OSMR: variants seen among roughly 807,000 people sequenced by gnomAD.
OSMR encodes the protein oncostatin M receptor, also known as oncostatin-M-specific receptor subunit beta.
Under a neutral mutation model 99.9 loss-of-function variants are expected in OSMR, and 81 were observed. The ratio of observed to expected loss-of-function variants is 0.81; its 90% CI spans 0.68 to 0.97. The LOEUF (loss-of-function observed/expected upper bound fraction) is 0.97. Among genes scored for constraint, OSMR ranks in the 50% least tolerant of loss-of-function variants. OSMR has a pLI of 0.00. For missense variants in OSMR, 1,099 were observed against 1,153.4 expected, an observed-to-expected ratio of 0.95 and a Z score of 0.68; for synonymous variants, 406 against 410.4, an observed-to-expected ratio of 0.99 and a Z score of 0.13.
At position 38,883,839 on chromosome 5, in the gene OSMR, C is replaced by T. The variant is rs376764619; in HGVS notation, c.431C>T (p.Thr144Ile). Residue 144 changes from threonine (T) to isoleucine (I), a missense_variant, in exon 5 of 18, where the codon ACT becomes ATT. Thr to Ile is a moderately conservative substitution (Grantham distance 89, BLOSUM62 -1). Transcript: ENST00000274276. The part of the protein sequence containing the change: ...SWEEVSVQDS[T>I]GQDILFVFPK... ...TTTTTTCTTGCAGTACAAGATTCTACTGGACAGGATATATTGTTCGTTTTC... is the reference window on the plus strand; with the variant it reads ...TTTTTTCTTGCAGTACAAGATTCTATTGGACAGGATATATTGTTCGTTTTC... 6 of 1,612,618 alleles carry T rather than the reference C, an allele frequency of 3.7e-6. No individual in the cohort carries two copies. In the African/African-American group the frequency reaches 6.7e-5, roughly 18 times the overall value.
chr5:38,923,739 G>A (rs1380153340), intron 13 of OSMR, among the ~76,000 whole-genome samples: 1 of 152,136 alleles, frequency 6.6e-6, no homozygotes, highest in Non-Finnish European at 1.5e-5. Flanking sequence ...CTTTAGCTGG[G>A]TGCTTGATTG....
At chr5:38,848,743 CT>C (rs1202409227) in intron 1 of OSMR, among the ~76,000 whole-genome samples, 2 of 152,278 alleles carry the variant, frequency 1.3e-5, no homozygotes, top group African/African-American at 4.8e-5. Context: ...TCCATTGTCT[CT>C]AGATACCTCT....
At chr5:38,847,072 A>T (rs1444233174) in intron 1 of OSMR, among the ~76,000 whole-genome samples, 1 of 152,242 alleles carries the variant, frequency 6.6e-6, no homozygotes, top group African/African-American at 2.4e-5. Flanking sequence ...TGGGAACAAG[A>T]TATTCAAGAG....
Position 38,869,016 on chromosome 5 carries a change from A to G in OSMR, c.-13-16A>G. ...AATTAAATAAAATTTTCCTTCTTAT[A>G]ATTTATCTTTTTCAGAAAACCAGAA... On this transcript the variant is annotated splice_polypyrimidine_tract_variant and intron_variant, in intron 1 of 17. Transcript: ENST00000274276. 1 of 1,612,228 alleles carries G rather than the reference A, an allele frequency of 6.2e-7. No individual in the cohort carries two copies. Among genetic ancestry groups the G allele is most frequent in the South Asian group, 1.1e-5 (1 of 90,668 alleles).
At chr5:38,942,265 T>C (rs925197035) in intron 1 of OSMR, 3 of 1,197,648 alleles carry the variant, frequency 2.5e-6, no homozygotes, top group African/African-American at 1.5e-5. Context: ...CAAATATGAA[T>C]ATATATAGTA....
chr5:38,884,904 C>G (rs1431199053), intron 5 of OSMR, among the ~76,000 whole-genome samples: 2 of 152,158 alleles, frequency 1.3e-5, no homozygotes, highest in African/African-American at 4.8e-5. Context: ...CCACTAAGGG[C>G]AGCAGTAACG....
intron 17 of OSMR, 143 bp from the exon 18 acceptor site, chr5:38,932,729 A>G (rs1358809523): frequency 1.5e-5 from 22 of 1,514,706 alleles, no homozygotes; most frequent in Non-Finnish European, 1.9e-5. Context: ...TTGGTTTTCA[A>G]CATCACCTCC....
intron 1 of OSMR, chr5:38,943,157 G>GA: frequency 3.3e-6 from 1 of 305,984 alleles, no homozygotes. Flanking sequence ...TCTGAGTTTG[G>GA]GTTTTTTTTT....
intron 7 of OSMR, among the ~76,000 whole-genome samples, chr5:38,890,626 T>A (rs548598143): frequency 6.6e-6 from 1 of 151,962 alleles, no homozygotes; most frequent in Non-Finnish European, 1.5e-5. Context: ...TGTCTTATCT[T>A]GGCTGAAATG....
At chr5:38,865,669 C>T (rs1277454801) in intron 1 of OSMR, among the ~76,000 whole-genome samples, 1 of 152,190 alleles carries the variant, frequency 6.6e-6, no homozygotes, top group African/African-American at 2.4e-5. Flanking sequence ...CTTGGGCCCC[C>T]ACATGCCCAC....
intron 10 of OSMR, 86 bp from the exon 11 acceptor site, chr5:38,918,754 T>C: frequency 6.4e-7 from 1 of 1,565,020 alleles, no homozygotes; most frequent in Non-Finnish European, 8.7e-7. Flanking sequence ...ATAAAGGAGT[T>C]GAGGGACAGA....
chr5:38,849,951 A>G (rs1344883684), intron 1 of OSMR, among the ~76,000 whole-genome samples: 2 of 152,218 alleles, frequency 1.3e-5, no homozygotes, highest in Non-Finnish European at 1.5e-5. Context: ...TTAGTATCTT[A>G]TACATGCTAG....
rs754682573 is a variant in OSMR at position 38,933,282 on chromosome 5, T to G, written c.2778T>G (p.Phe926Leu). The G allele has an allele frequency of 6.2e-7, 1 of 1,614,176 alleles. No individual in the cohort carries two copies. The highest frequency in any genetic ancestry group is 1.7e-5 in the Admixed American group (1 of 60,022). Residue 926 changes from phenylalanine (F) to leucine (L), a missense_variant, in exon 18 of 18, where the codon TTT (phenylalanine) becomes TTG (leucine). Coordinates refer to ENST00000274276, the MANE Select transcript of OSMR (RefSeq NM_003999.3). ...NYVSQLASPM[F>L]GDKDSLPTNP... The stretch of plus-strand genomic sequence containing the variant: ...TGTCCCAGTTGGCTTCACCCATGTT[T>G]GGAGACAAGGACAGTCTCCCAACAA...
At chr5:38,928,766 C>T (rs1183466002) in intron 15 of OSMR, among the ~76,000 whole-genome samples, 2 of 152,116 alleles carry the variant, frequency 1.3e-5, no homozygotes, top group Admixed American at 6.5e-5. Context: ...GTTTCCAAAC[C>T]AAAATCCAGA....
chr5:38,892,335 GC>G (rs1744215593), intron 7 of OSMR, among the ~76,000 whole-genome samples: 2 of 152,012 alleles, frequency 1.3e-5, no homozygotes, highest in African/African-American at 4.8e-5. Context: ...TGTTCTGCCT[GC>G]CCCTGCCTGA....
At position 38,935,396 on chromosome 5, in the gene OSMR, C is replaced by T. The variant is rs1197745175; in HGVS notation, c.*1952C>T. 2.0e-5 allele frequency: 3 copies of T among 151,632 alleles called. No individual in the cohort carries two copies. The highest frequency in any genetic ancestry group is 2.1e-4 in the South Asian group (1 of 4,786). 9.4% of individuals were successfully genotyped at this position (151,632 alleles called of 1,614,324 possible). On this transcript the variant is annotated 3_prime_UTR_variant, in exon 18 of 18. Transcript: ENST00000274276. ...TATGTGCTCCTCACGTAGTAGAAAG[C>T]GGTATCCTGATTAGTCTAACAGTTG...
intron 2 of OSMR, 39 bp downstream of exon 2, chr5:38,869,156 C>T (rs761675452): frequency 1.1e-4 from 160 of 1,425,346 alleles, no homozygotes; most frequent in East Asian, 2.7e-4. Context: ...AAAATCACGT[C>T]GGGAACAAAT....
chr5:38,937,293 A>AAAG (rs1236797490), downstream of OSMR, among the ~76,000 whole-genome samples: 2 of 152,146 alleles, frequency 1.3e-5, no homozygotes, highest in African/African-American at 4.8e-5. This position sits in a 1 kb window ranked among gnomAD's most constrained non-coding sequence, Gnocchi z 4.0. Context: ...TTGGCTTCCC[A>AAAG]AAGTGCTGGC....
intron 4 of OSMR, among the ~76,000 whole-genome samples, chr5:38,882,656 G>A (rs1743385876): frequency 2.0e-5 from 3 of 152,072 alleles, no homozygotes; most frequent in African/African-American, 7.2e-5. Context: ...GGGGGGAAGG[G>A]GGGTGGAATA....
Sources: allele counts gnomAD v4.1 joint callset (sites outside exome capture counted in the v4.1 genomes callset), GRCh38; gene constraint gnomAD v4.1.1; non-coding constraint Gnocchi (gnomAD v3.1); transcripts MANE v1.5; gene names NCBI Gene and HGNC (gene_info 2026-07-23, HGNC 2026-07-21).